SLC35F1: variants seen among roughly 807,000 people sequenced by gnomAD.
SLC35F1 encodes the protein solute carrier family 35 member F1.
Under a neutral mutation model 48.7 loss-of-function variants are expected in SLC35F1, and 14 were observed. The observed-to-expected ratio is 0.29, with a 90% CI of 0.19 to 0.45. SLC35F1 has a LOEUF of 0.45. Ranked by LOEUF, SLC35F1 falls within the 20% of genes least tolerant of loss-of-function variation. The pLI, the probability that SLC35F1 is intolerant of heterozygous loss-of-function variation, is 1.00. For missense variants in SLC35F1, 404 were observed against 500.0 expected, an observed-to-expected ratio of 0.81 and a Z score of 1.83; for synonymous variants, 190 against 202.2, an observed-to-expected ratio of 0.94 and a Z score of 0.51.
At chr6:118,292,151 A>T (rs1776131796) in intron 7 of SLC35F1, among the ~76,000 whole-genome samples, 1 of 148,992 alleles carries the variant, frequency 6.7e-6, no homozygotes, top group Non-Finnish European at 1.5e-5. Flanking sequence ...AATAAATAAG[A>T]TACTGATGCT....
intron 1 of SLC35F1, among the ~76,000 whole-genome samples, chr6:117,936,369 G>A (rs1184794686): frequency 1.3e-5 from 2 of 152,130 alleles, no homozygotes; most frequent in African/African-American, 2.4e-5. Context: ...GAAGGTGTGA[G>A]GGTGGGATGT....
intron 2 of SLC35F1, among the ~76,000 whole-genome samples, chr6:118,173,606 G>A (rs1265179513): frequency 6.6e-6 from 1 of 152,136 alleles, no homozygotes; most frequent in Non-Finnish European, 1.5e-5. Context: ...TCCTAAGTGT[G>A]TGGAGCCTCC....
At chr6:118,234,617 C>T (rs772967133) in intron 2 of SLC35F1, among the ~76,000 whole-genome samples, 3 of 152,134 alleles carry the variant, frequency 2.0e-5, no homozygotes, top group Admixed American at 6.5e-5. Context: ...ACAAAAACTG[C>T]GAGATAATCA....
At chr6:118,312,431 A>G (rs1381897606) in intron 7 of SLC35F1, among the ~76,000 whole-genome samples, 2 of 152,202 alleles carry the variant, frequency 1.3e-5, no homozygotes, top group Non-Finnish European at 2.9e-5. Context: ...TTATTTTACA[A>G]ATTTATGAAT....
At chr6:118,255,297 G>A (rs1483929004) in intron 3 of SLC35F1, among the ~76,000 whole-genome samples, 1 of 152,168 alleles carries the variant, frequency 6.6e-6, no homozygotes, top group Non-Finnish European at 1.5e-5. Flanking sequence ...ATAAGAACAT[G>A]TATCAGGGAG....
At chr6:118,311,358 G>C (rs1355034494) in intron 7 of SLC35F1, among the ~76,000 whole-genome samples, 1 of 151,894 alleles carries the variant, frequency 6.6e-6, no homozygotes, top group Non-Finnish European at 1.5e-5. Flanking sequence ...TCTTTCTTTA[G>C]TCTGAAACTT....
At chr6:118,040,987 C>T (rs1421764827) in intron 1 of SLC35F1, among the ~76,000 whole-genome samples, 2 of 150,814 alleles carry the variant, frequency 1.3e-5, no homozygotes, top group Non-Finnish European at 3.0e-5. Context: ...GGCATAAATA[C>T]AAGTTAAGAT....
At chr6:117,928,535 C>T (rs886352277) in intron 1 of SLC35F1, among the ~76,000 whole-genome samples, 7 of 152,056 alleles carry the variant, frequency 4.6e-5, no homozygotes, top group African/African-American at 1.7e-4. Context: ...TAGTTTGATA[C>T]ATAATTCTGA....
intron 2 of SLC35F1, 137 bp from the exon 3 acceptor site, chr6:118,235,372 G>T: frequency 1.1e-6 from 1 of 902,632 alleles, no homozygotes; most frequent in Non-Finnish European, 1.6e-6. Context: ...TATCTGATAC[G>T]TTGATTTATT....
intron 1 of SLC35F1, among the ~76,000 whole-genome samples, chr6:117,989,934 G>T (rs1352644767): frequency 6.6e-6 from 1 of 152,076 alleles, no homozygotes; most frequent in South Asian, 2.1e-4. Flanking sequence ...TTGTAATTTT[G>T]CACTATGAAT....
intron 1 of SLC35F1, among the ~76,000 whole-genome samples, chr6:118,131,638 T>C (rs979874810): frequency 6.6e-6 from 1 of 152,170 alleles, no homozygotes; most frequent in East Asian, 1.9e-4. Context: ...TTATAAGTTT[T>C]GCTCCCACTA....
chr6:117,938,767 C>A (rs1013840133), intron 1 of SLC35F1, among the ~76,000 whole-genome samples: 4 of 152,172 alleles, frequency 2.6e-5, no homozygotes, highest in Non-Finnish European at 4.4e-5. Flanking sequence ...TAGTTCTTTG[C>A]CTGCCTGGGA....
chr6:118,044,700 G>GA (rs542122152), intron 1 of SLC35F1, among the ~76,000 whole-genome samples: 11 of 150,648 alleles, frequency 7.3e-5, no homozygotes, highest in South Asian at 2.1e-4. Context: ...TTTCGAAGAG[G>GA]AAAAAAAAAT....
At chr6:118,129,203 G>A (rs2501520) in intron 1 of SLC35F1, among the ~76,000 whole-genome samples, 4,709 of 152,206 alleles carry the variant, frequency 0.031, 180 homozygotes, top group African/African-American at 0.08. Flanking sequence ...GGGCCTTAGA[G>A]GAAATCAATG....
At chr6:118,048,235 C>T (rs1371564264) in intron 1 of SLC35F1, among the ~76,000 whole-genome samples, 1 of 152,138 alleles carries the variant, frequency 6.6e-6, no homozygotes, top group Non-Finnish European at 1.5e-5. Context: ...ATGAAGCCCA[C>T]TTGATCATGG....
intron 2 of SLC35F1, among the ~76,000 whole-genome samples, chr6:118,159,669 A>T (rs1348203977): frequency 6.6e-6 from 1 of 152,186 alleles, no homozygotes; most frequent in Non-Finnish European, 1.5e-5. Context: ...GGGTCCAATG[A>T]AGACCACCAG....
intron 5 of SLC35F1, 148 bp downstream of exon 5, chr6:118,275,763 T>C (rs1775911622): frequency 6.8e-6 from 4 of 584,490 alleles, no homozygotes; most frequent in Admixed American, 3.5e-5. Flanking sequence ...CAACTCAATA[T>C]CTTTATTAGT....
At chr6:118,196,977 C>A (rs1774810650) in intron 2 of SLC35F1, among the ~76,000 whole-genome samples, 1 of 151,334 alleles carries the variant, frequency 6.6e-6, no homozygotes, top group Admixed American at 6.6e-5. Flanking sequence ...CTTCCAGGTA[C>A]CCTTGTTAAA....
chr6:118,087,880 TATC>T (rs2114336169), intron 1 of SLC35F1, among the ~76,000 whole-genome samples: 1 of 152,340 alleles, frequency 6.6e-6, no homozygotes, highest in African/African-American at 2.4e-5. Flanking sequence ...AACATTTTGT[TATC>T]ATGTTTATCT....
Sources: allele counts gnomAD v4.1 joint callset (sites outside exome capture counted in the v4.1 genomes callset), GRCh38; gene constraint gnomAD v4.1.1; transcripts MANE v1.5; gene names NCBI Gene and HGNC (gene_info 2026-07-23, HGNC 2026-07-21).